The following WDR59 variants were observed in gnomAD, a reference collection of about 807,000 sequenced individuals.
WDR59 encodes the protein GATOR2 complex protein WDR59.
WDR59 carries 100 observed loss-of-function variants against 131.2 expected under a neutral mutation model. That is an observed-to-expected ratio of 0.76 (90% CI 0.65 to 0.90). The LOEUF (loss-of-function observed/expected upper bound fraction) is 0.90, where lower values mean the gene tolerates loss of function less well. Among genes scored for constraint, WDR59 ranks in the 40% least tolerant of loss-of-function variants. The probability of loss-of-function intolerance (pLI) is 0.00; values close to 1 mark genes in which losing one functional copy is unlikely to be tolerated. For synonymous variants in WDR59, 601 were observed against 466.2 expected, an observed-to-expected ratio of 1.29 and a Z score of -3.72; for missense variants, 1,203 against 1,262.2, an observed-to-expected ratio of 0.95 and a Z score of 0.71.
Position 74,952,567 on chromosome 16 carries a change from G to C in WDR59, c.241-1024C>G, listed in dbSNP as rs371940584. Among the ~76,000 whole-genome samples the C allele has an allele frequency of 2.2e-4, 33 of 151,442 alleles. 3 individuals are homozygous for C. The South Asian group carries it at 2.9e-3, about 13-fold the overall frequency. On this transcript the variant is annotated intron_variant, in intron 3 of 25. Coordinates refer to ENST00000262144, the MANE Select transcript of WDR59 (RefSeq NM_030581.4). ...TGTATTTAATTTCTTAAAGGGTTAA[G>C]CAGAAAGTGACAAGGAAAATGGACC...
intron 2 of WDR59, among the ~76,000 whole-genome samples, chr16:74,960,753 TAAA>T (rs59914217): frequency 8.4e-5 from 10 of 118,722 alleles, no homozygotes; most frequent in Admixed American, 1.8e-4. Context: ...GTCTCAAAAA[TAAA>T]AAAAAAAAAA....
intron 10 of WDR59, among the ~76,000 whole-genome samples, chr16:74,921,070 CA>C (rs1249042670): frequency 6.6e-6 from 1 of 152,016 alleles, no homozygotes. Flanking sequence ...TGATATATTT[CA>C]CAGTAAAAAA....
At chr16:74,950,992 C>CAAA (rs528212034) in intron 4 of WDR59, among the ~76,000 whole-genome samples, 1 of 75,316 alleles carries the variant, frequency 1.3e-5, no homozygotes, top group South Asian at 4.1e-4. Flanking sequence ...CCTGTCTCCA[C>CAAA]AAAAAAAAAA....
At chr16:74,937,674 G>C (rs1190220774) in intron 8 of WDR59, among the ~76,000 whole-genome samples, 2 of 152,026 alleles carry the variant, frequency 1.3e-5, no homozygotes, top group African/African-American at 4.8e-5. Context: ...GCTAATTTTT[G>C]TATTTTTAGT....
intron 17 of WDR59, among the ~76,000 whole-genome samples, chr16:74,907,473 C>T (rs551736772): frequency 2.0e-5 from 3 of 152,244 alleles, no homozygotes; most frequent in East Asian, 1.9e-4. Context: ...TTTCGCCTGC[C>T]GCCATGTAAG....
chr16:74,913,309 G>A (rs1448917846), intron 13 of WDR59, among the ~76,000 whole-genome samples: 1 of 150,176 alleles, frequency 6.7e-6, no homozygotes, highest in Non-Finnish European at 1.5e-5. Flanking sequence ...TTGTCACCCA[G>A]GCTGGAGTGC....
chr16:74,904,554 G>A (rs1025966225), intron 17 of WDR59, among the ~76,000 whole-genome samples: 2 of 152,118 alleles, frequency 1.3e-5, no homozygotes, highest in African/African-American at 2.4e-5. Context: ...AATATACCAC[G>A]CAAGGATTGG....
intron 20 of WDR59, among the ~76,000 whole-genome samples, chr16:74,890,624 A>G (rs1567692273): frequency 6.6e-6 from 1 of 152,190 alleles, no homozygotes; most frequent in Non-Finnish European, 1.5e-5. Flanking sequence ...AGTAACAATA[A>G]TAACAATAGG....
At chr16:74,982,604 G>A (rs2034470606) in intron 1 of WDR59, among the ~76,000 whole-genome samples, 1 of 152,190 alleles carries the variant, frequency 6.6e-6, no homozygotes, top group Non-Finnish European at 1.5e-5. Flanking sequence ...CAGGCTTAGA[G>A]GCATGATACA....
intron 17 of WDR59, among the ~76,000 whole-genome samples, chr16:74,905,210 T>C: frequency 6.6e-6 from 1 of 151,752 alleles, no homozygotes; most frequent in Non-Finnish European, 1.5e-5. Context: ...ACCCCATCAC[T>C]ACTAAAAATA....
intron 8 of WDR59, among the ~76,000 whole-genome samples, chr16:74,931,509 G>A (rs2031381568): frequency 1.3e-5 from 2 of 151,684 alleles, no homozygotes; most frequent in Admixed American, 6.6e-5. Flanking sequence ...CTAATTTTTT[G>A]CATTTGTTGC....
chr16:74,917,660 T>C (rs1966454422), intron 11 of WDR59, among the ~76,000 whole-genome samples: 1 of 151,626 alleles, frequency 6.6e-6, no homozygotes, highest in African/African-American at 2.4e-5. Flanking sequence ...AATACAAAAA[T>C]TAGCCGAGTG....
At chr16:74,876,723 C>T (rs1406479865) in intron 25 of WDR59, among the ~76,000 whole-genome samples, 1 of 152,140 alleles carries the variant, frequency 6.6e-6, no homozygotes. Context: ...AGCCCCAGGA[C>T]GCTCTCCCTT....
rs1259464769 is a variant in WDR59 at position 74,909,484 on chromosome 16, G to A, written c.1642+17C>T. The stretch of plus-strand genomic sequence containing the variant: ...CTCCCTCTCGAAATCTAGAATCAAA[G>A]AACCAAAGAGACCCACCTGCTCCGC... On this transcript the variant is annotated intron_variant, in intron 16 of 25. Transcript: ENST00000262144. 2.0e-6 allele frequency: 3 copies of A among 1,529,562 alleles called. No individual in the cohort carries two copies. The African/African-American group carries it at 4.2e-5, about 21-fold the overall frequency. 94.7% of individuals were successfully genotyped at this position (1,529,562 alleles called of 1,614,324 possible). A position where few individuals can be genotyped will look rare whatever the true frequency, so the allele number is the denominator to read the frequency against.
In WDR59 at chr16:74,983,976, T is replaced by C. The variant is rs372718172; in HGVS notation, c.54+988A>G. Among the ~76,000 whole-genome samples, 23 of 151,818 alleles carry C rather than the reference T, an allele frequency of 1.5e-4. 3 individuals are homozygous for C. The highest frequency in any genetic ancestry group is 1.0e-3 in the South Asian group (5 of 4,818). ...GCCTGGGTGACAGAGCCAGACCCTG[T>C]CTCAAATGAAGTAAAATAGGCCAGG... On this transcript the variant is annotated intron_variant, in intron 1 of 25. Coordinates refer to ENST00000262144, the MANE Select transcript of WDR59 (RefSeq NM_030581.4).
In WDR59 at chr16:74,920,544, G is replaced by A. The variant is rs536805737; in HGVS notation, c.886+1403C>T. Among the ~76,000 whole-genome samples, 6 of 152,278 alleles carry A rather than the reference G, an allele frequency of 3.9e-5. No homozygotes were observed. In the South Asian group the frequency reaches 1.2e-3, roughly 32 times the overall value. On this transcript the variant is annotated intron_variant, in intron 10 of 25. Coordinates refer to ENST00000262144, the MANE Select transcript of WDR59 (RefSeq NM_030581.4). The stretch of plus-strand genomic sequence containing the variant: ...GCCTCCGAAGTAGCTGGGACTACAG[G>A]CATGCACTGCCACACCTGGCTCATT...
intron 10 of WDR59, among the ~76,000 whole-genome samples, chr16:74,918,933 G>C (rs1966520661): frequency 6.6e-6 from 1 of 152,144 alleles, no homozygotes; most frequent in African/African-American, 2.4e-5. Context: ...GGCACAGCCA[G>C]CCAGACAGCA....
intron 8 of WDR59, among the ~76,000 whole-genome samples, chr16:74,934,949 T>C (rs947589814): frequency 1.3e-5 from 2 of 151,716 alleles, no homozygotes; most frequent in Non-Finnish European, 2.9e-5. Flanking sequence ...GCAAGGGTGG[T>C]CGGGCATGGT....
At chr16:74,968,091 T>C (rs946373795) in intron 1 of WDR59, among the ~76,000 whole-genome samples, 1 of 152,022 alleles carries the variant, frequency 6.6e-6, no homozygotes, top group African/African-American at 2.4e-5. Flanking sequence ...GATGAACTCA[T>C]AGAAACAAAA....
Sources: gnomAD v4.1 joint callset for allele counts (sites outside exome capture counted in the v4.1 genomes callset) on GRCh38, gnomAD v4.1.1 for gene constraint, MANE v1.5 for transcripts, NCBI Gene and HGNC (gene_info 2026-07-23, HGNC 2026-07-21) for gene names.